The following CERS6 variants were observed in gnomAD, a reference collection of about 807,000 sequenced individuals.
CERS6 encodes ceramide synthase 6.
CERS6 carries 26 observed loss-of-function variants against 56.8 expected under a neutral mutation model. That is an observed-to-expected ratio of 0.46 (90% CI 0.34 to 0.63). The LOEUF (loss-of-function observed/expected upper bound fraction) is 0.63. Ranked by LOEUF, CERS6 falls within the 30% of genes least tolerant of loss-of-function variation. The probability of loss-of-function intolerance (pLI) is 0.01; values close to 1 mark genes in which losing one functional copy is unlikely to be tolerated. For missense variants in CERS6, 415 were observed against 467.5 expected (o/e 0.89, Z 1.04); for synonymous variants, 164 against 173.3 (o/e 0.95, Z 0.42).
chr2:168,623,014 C>T (rs1559024676), intron 3 of CERS6, among the ~76,000 whole-genome samples: 1 of 152,176 alleles, frequency 6.6e-6, no homozygotes, highest in Non-Finnish European at 1.5e-5. Context: ...TTTGAAACTA[C>T]AGTCAATTTG....
intron 8 of CERS6, among the ~76,000 whole-genome samples, chr2:168,741,986 A>G (rs1034366025): frequency 6.6e-6 from 1 of 152,212 alleles, no homozygotes; most frequent in Non-Finnish European, 1.5e-5. Flanking sequence ...GCCCAACTTC[A>G]GTCAGAGTAT....
chr2:168,534,271 G>A (rs74581657), intron 1 of CERS6, among the ~76,000 whole-genome samples: 3,099 of 152,144 alleles, frequency 0.02, 122 homozygotes, highest in East Asian at 0.18. Context: ...CTGGGGCGAC[G>A]TTGCGATCAT....
intron 1 of CERS6, among the ~76,000 whole-genome samples, chr2:168,547,247 G>A (rs1695482081): frequency 6.6e-6 from 1 of 152,178 alleles, no homozygotes; most frequent in African/African-American, 2.4e-5. Context: ...ATTGCTCTGT[G>A]TAAGAAGAGT....
chr2:168,589,041 C>T (rs368804907), intron 3 of CERS6, among the ~76,000 whole-genome samples: 18 of 152,330 alleles, frequency 1.2e-4, no homozygotes, highest in East Asian at 1.2e-3. Context: ...CGCACAGCCC[C>T]TGCTTAGTTC....
At chr2:168,743,502 G>A (rs12466918) in intron 8 of CERS6, among the ~76,000 whole-genome samples, 79,295 of 151,902 alleles carry the variant, frequency 0.52, 23,463 homozygotes, top group Admixed American at 0.64. Flanking sequence ...CAGGTGTGTG[G>A]CACATGCCTG....
At chr2:168,599,937 G>A (rs1201066071) in intron 3 of CERS6, among the ~76,000 whole-genome samples, 1 of 152,066 alleles carries the variant, frequency 6.6e-6, no homozygotes. Flanking sequence ...GAATCACCTG[G>A]GGGTAAAATC....
chr2:168,506,441 A>C (rs1694679481), intron 1 of CERS6, among the ~76,000 whole-genome samples: 1 of 152,174 alleles, frequency 6.6e-6, no homozygotes, highest in Non-Finnish European at 1.5e-5. Context: ...TGTCCGACCC[A>C]CCTGATTTAT....
intron 1 of CERS6, among the ~76,000 whole-genome samples, chr2:168,485,846 T>G (rs1293726617): frequency 1.3e-5 from 2 of 152,176 alleles, no homozygotes; most frequent in Non-Finnish European, 2.9e-5. Flanking sequence ...TCAAACCATT[T>G]GGGTTAATAC....
At chr2:168,478,274 T>G (rs1694115867) in intron 1 of CERS6, among the ~76,000 whole-genome samples, 1 of 152,148 alleles carries the variant, frequency 6.6e-6, no homozygotes, top group African/African-American at 2.4e-5. Flanking sequence ...GTCACTGTAC[T>G]CAGTGTCCCA....
chr2:168,525,859 C>T (rs1695062657), intron 1 of CERS6, among the ~76,000 whole-genome samples: 1 of 152,160 alleles, frequency 6.6e-6, no homozygotes, highest in Non-Finnish European at 1.5e-5. Context: ...AGGAAAATGC[C>T]TCATTGATTG....
Position 168,769,670 on chromosome 2 carries a change from A to G in CERS6, c.*8A>G. On this transcript the variant is annotated 3_prime_UTR_variant, in exon 10 of 10. Transcript: ENST00000305747. ...TGCTCCATGGATGATTAATTACTCA[A>G]AACTACAAGTCCCAAGCAAAGTGAA... 6.2e-7 allele frequency: 1 copy of G among 1,610,218 alleles called. No homozygotes were observed. The highest frequency in any genetic ancestry group is 1.1e-5 in the South Asian group (1 of 89,856).
At chr2:168,665,867 T>G (rs1460487634) in intron 4 of CERS6, among the ~76,000 whole-genome samples, 3 of 152,120 alleles carry the variant, frequency 2.0e-5, no homozygotes, top group Non-Finnish European at 4.4e-5. Flanking sequence ...CATATTATCT[T>G]CCAAGCTGCT....
At chr2:168,632,780 C>G (rs548418849) in intron 4 of CERS6, among the ~76,000 whole-genome samples, 1 of 152,042 alleles carries the variant, frequency 6.6e-6, no homozygotes, top group Non-Finnish European at 1.5e-5. Context: ...ATGGGAAGGT[C>G]GGGTTGTTAA....
rs547274186 is a variant in CERS6, at chr2:168,752,740, G to A, written c.846-12852G>A. On this transcript the variant is annotated intron_variant, in intron 8 of 9. Transcript: ENST00000305747. ...TTCTGCACACCGTTCAGTGTGCTCA[G>A]GAGGCAGTGGTTTGATCTCATAAAT... Among the ~76,000 whole-genome samples the A allele has an allele frequency of 2.9e-4, 44 of 152,318 alleles. No individual in the cohort carries two copies. In the South Asian group the frequency reaches 8.9e-3, roughly 31 times the overall value.
chr2:168,674,245 A>AG, intron 4 of CERS6, among the ~76,000 whole-genome samples: 1 of 152,240 alleles, frequency 6.6e-6, no homozygotes, highest in African/African-American at 2.4e-5. Flanking sequence ...TTTTTAGAAT[A>AG]GTTAGACCTT....
chr2:168,627,764 A>G (rs1293836267), intron 3 of CERS6, among the ~76,000 whole-genome samples: 1 of 149,380 alleles, frequency 6.7e-6, no homozygotes, highest in Admixed American at 6.7e-5. Flanking sequence ...TTTGTCTTTG[A>G]TTATTCTATT....
chr2:168,740,646 C>T (rs974613955), intron 8 of CERS6, among the ~76,000 whole-genome samples: 31 of 152,200 alleles, frequency 2.0e-4, no homozygotes, highest in African/African-American at 7.2e-4. Context: ...AACTCAGCGC[C>T]TGGGGCATCA....
chr2:168,738,599 C>A (rs1683785469), intron 8 of CERS6, among the ~76,000 whole-genome samples: 1 of 152,174 alleles, frequency 6.6e-6, no homozygotes, highest in Non-Finnish European at 1.5e-5. Context: ...GAGGGATAGA[C>A]TTCTAAGTAA....
chr2:168,735,190 T>C (rs1683673235), intron 8 of CERS6, among the ~76,000 whole-genome samples: 1 of 152,146 alleles, frequency 6.6e-6, no homozygotes, highest in Non-Finnish European at 1.5e-5. Context: ...ATTCAGTCAG[T>C]GTAGGACTTT....
Sources: allele counts gnomAD v4.1 joint callset (sites outside exome capture counted in the v4.1 genomes callset), GRCh38; gene constraint gnomAD v4.1.1; transcripts MANE v1.5; gene names NCBI Gene and HGNC (gene_info 2026-07-23, HGNC 2026-07-21).